The following MBP variants were observed in gnomAD, a reference collection of about 807,000 sequenced individuals.
MBP encodes the protein Golli-MBP.
Under a neutral mutation model 35.8 loss-of-function variants are expected in MBP, and 16 were observed. That is an observed-to-expected ratio of 0.45 (90% CI 0.30 to 0.68). The LOEUF (loss-of-function observed/expected upper bound fraction) is 0.68, where lower values mean the gene tolerates loss of function less well. MBP is among the 30% of genes least tolerant of loss of function. The pLI is 0.08. For synonymous variants in MBP, 143 were observed against 159.6 expected (o/e 0.90, Z 0.78); for missense variants, 380 against 404.7 (o/e 0.94, Z 0.52).
At chr18:77,081,781 C>CGTATATATATATGCACACACCTATAT (rs1568329849) in intron 2 of MBP, among the ~76,000 whole-genome samples, 1 of 50,662 alleles carries the variant, frequency 2.0e-5, no homozygotes, top group African/African-American at 5.6e-5. Flanking sequence ...CACACACACA[C>CGTATATATATATGCACACACCTATAT]ACACACACAC....
intron 4 of MBP, among the ~76,000 whole-genome samples, chr18:76,992,332 C>G (rs1969979078): frequency 1.3e-5 from 2 of 152,184 alleles, no homozygotes; most frequent in Admixed American, 1.3e-4. Flanking sequence ...GTAGGGTTTG[C>G]TCTCCTATAG....
At chr18:77,118,393 G>A (rs1478896916) in intron 1 of MBP, among the ~76,000 whole-genome samples, 1 of 151,978 alleles carries the variant, frequency 6.6e-6, no homozygotes, top group African/African-American at 2.4e-5. Context: ...GTTGGCACAG[G>A]ACAGGCCTGT....
At chr18:77,114,639 A>G (rs549371731) in intron 1 of MBP, 34 of 152,400 alleles carry the variant, frequency 2.2e-4, no homozygotes, top group African/African-American at 8.2e-4. Flanking sequence ...AAGCCATGCC[A>G]ACACCGTCAC....
At position 77,105,208 on chromosome 18, in the gene MBP, T is replaced by C; in HGVS notation, c.51+3A>G. On this transcript the variant is annotated splice_donor_region_variant and intron_variant, in intron 2 of 8. Transcript: ENST00000355994. ...ACATGTTTCGGATCAGCTCACGTCTTACCGTACTGGCCTTCTCGGCATTTA... is the reference window on the plus strand; with the variant it reads ...ACATGTTTCGGATCAGCTCACGTCTCACCGTACTGGCCTTCTCGGCATTTA... 1 of 1,612,860 alleles carries C rather than the reference T, an allele frequency of 6.2e-7. No homozygotes were observed. Among genetic ancestry groups the C allele is most frequent in the Non-Finnish European group, 8.5e-7 (1 of 1,179,132 alleles).
intron 7 of MBP, chr18:76,986,413 C>T (rs1969561183): frequency 1.0e-6 from 1 of 985,500 alleles, no homozygotes; most frequent in Non-Finnish European, 1.2e-6. Flanking sequence ...CCAGAGGCCT[C>T]AAGGCTTCCA....
At chr18:77,015,024 T>C in intron 4 of MBP, 1 of 983,560 alleles carries the variant, frequency 1.0e-6, no homozygotes, top group Middle Eastern at 5.2e-4. Context: ...TTTCTGAGAC[T>C]AGAATGTTTT....
chr18:77,045,562 A>G (rs189536027), intron 3 of MBP, among the ~76,000 whole-genome samples: 3 of 152,202 alleles, frequency 2.0e-5, no homozygotes, highest in Admixed American at 1.3e-4. Context: ...AGGCACCTGC[A>G]CTGCCAACAC....
chr18:77,056,804 C>G (rs1973743790), intron 3 of MBP, among the ~76,000 whole-genome samples: 1 of 152,210 alleles, frequency 6.6e-6, no homozygotes, highest in South Asian at 2.1e-4. Flanking sequence ...CACAACCCCC[C>G]TCTGCACAGG....
intron 4 of MBP, among the ~76,000 whole-genome samples, chr18:76,999,554 A>T (rs1970520779): frequency 6.6e-6 from 1 of 151,908 alleles, no homozygotes; most frequent in Admixed American, 6.6e-5. Flanking sequence ...CCTGGGTTCA[A>T]GCGATTCTCA....
At position 77,016,603 on chromosome 18, in the gene MBP, C is replaced by T. The variant is rs541736537; in HGVS notation, c.576+229G>A. 173 of 1,400,174 alleles carry T rather than the reference C, an allele frequency of 1.2e-4. 3 individuals carry two copies. The Admixed American group carries it at 2.2e-3, about 18-fold the overall frequency. The allele number at this position is 1,400,174 out of a possible 1,614,324, so 86.7% of individuals were successfully genotyped here. A position where few individuals can be genotyped will look rare whatever the true frequency, so the allele number is the denominator to read the frequency against. ...ATGTCCTTACATTCCTGAGCCACAC[C>T]CCGGCCACCATCCCTTGTGAGGAAA... is the stretch of plus-strand genomic sequence containing the variant. On this transcript the variant is annotated intron_variant, in intron 4 of 8. Coordinates refer to ENST00000355994, the MANE Select transcript of MBP (RefSeq NM_001025101.2).
chr18:77,085,345 C>T (rs1020818427), intron 2 of MBP, among the ~76,000 whole-genome samples: 1 of 152,194 alleles, frequency 6.6e-6, no homozygotes, highest in Non-Finnish European at 1.5e-5. Context: ...AAGACAGTAA[C>T]AGAGAAAAAG....
intron 1 of MBP, chr18:77,110,455 A>G (rs1976411298): frequency 6.7e-6 from 1 of 148,958 alleles, no homozygotes; most frequent in African/African-American, 2.5e-5. Context: ...CCTATGACAT[A>G]TGTGAATTTT....
chr18:77,086,540 G>T (rs1000264433), intron 2 of MBP, among the ~76,000 whole-genome samples: 4 of 152,140 alleles, frequency 2.6e-5, no homozygotes, highest in African/African-American at 9.7e-5. Context: ...CCTCTCTATG[G>T]AGCATTCAAC....
chr18:77,045,073 T>C (rs1475314395), intron 3 of MBP, among the ~76,000 whole-genome samples: 1 of 151,942 alleles, frequency 6.6e-6, no homozygotes, highest in Non-Finnish European at 1.5e-5. Flanking sequence ...TGGAGGCTGG[T>C]TTCTCTAAGT....
rs769896510 is a variant in MBP, at chr18:76,988,838, A to G, written c.717+39T>C. 8.2e-5 allele frequency: 131 copies of G among 1,594,096 alleles called. No homozygotes were observed. Among genetic ancestry groups the G allele is most frequent in the Middle Eastern group, 6.7e-4 (4 of 5,974 alleles). ...TATGGGATTTTAGAGAAGGTCTATC[A>G]GAAAAGTGATGATCAATCAAAACAT... is the stretch of plus-strand genomic sequence containing the variant. On this transcript the variant is annotated intron_variant, in intron 6 of 8. Transcript: ENST00000355994. The surrounding 1 kb of genome is among the most constrained non-coding windows in gnomAD (Gnocchi z 5.2).
chr18:77,015,727 GATCAATA>G, intron 4 of MBP: 1 of 985,408 alleles, frequency 1.0e-6, no homozygotes, highest in Non-Finnish European at 1.2e-6. Flanking sequence ...ACAATTTCAT[GATCAATA>G]AAGAATTGCA....
In MBP at chr18:77,020,717, C is replaced by A. The variant is rs1971955792; in HGVS notation, c.140-3449G>T. Among the ~76,000 whole-genome samples the A allele has an allele frequency of 6.6e-6, 1 of 152,204 alleles. No homozygotes were observed. The highest frequency in any genetic ancestry group is 1.5e-5 in the Non-Finnish European group (1 of 68,040). ...CAGCCTTCAGAGGAAAGGCGCTGTT[C>A]TGCACAGACCATGTGGTGCTCACAG... On this transcript the variant is annotated intron_variant, in intron 3 of 8. Transcript: ENST00000355994. This position sits in a 1 kb window ranked among gnomAD's most constrained non-coding sequence, Gnocchi z 4.1.
At chr18:77,008,599 C>T (rs573906408) in intron 4 of MBP, among the ~76,000 whole-genome samples, 3 of 152,308 alleles carry the variant, frequency 2.0e-5, no homozygotes, top group East Asian at 1.9e-4. Context: ...CCAAGTCCCA[C>T]GACCACCTTG....
chr18:77,129,184 C>A (rs941918306), intron 1 of MBP, among the ~76,000 whole-genome samples: 6 of 152,248 alleles, frequency 3.9e-5, no homozygotes, highest in Admixed American at 1.3e-4. Context: ...TGTTTCTCCT[C>A]ATCTTTTAGA....
Sources: gnomAD v4.1 joint callset for allele counts (sites outside exome capture counted in the v4.1 genomes callset) on GRCh38, gnomAD v4.1.1 for gene constraint, Gnocchi (gnomAD v3.1) non-coding constraint, MANE v1.5 for transcripts, NCBI Gene and HGNC (gene_info 2026-07-23, HGNC 2026-07-21) for gene names.